Variants in GPR26 observed in about 807,000 individuals in gnomAD.
The protein encoded by GPR26 is G protein-coupled receptor 26.
GPR26 carries 15 observed loss-of-function variants against 23.1 expected under a neutral mutation model. The ratio of observed to expected loss-of-function variants is 0.65; its 90% CI spans 0.43 to 1.00. The LOEUF is 1.00. GPR26 is among the 50% of genes least tolerant of loss of function. The pLI is 0.00. For missense variants in GPR26, 359 were observed against 470.5 expected, an observed-to-expected ratio of 0.76 and a Z score of 2.19; for synonymous variants, 228 against 222.1, an observed-to-expected ratio of 1.03 and a Z score of -0.24.
At chr10:123,685,277 C>T (rs1349890194) in intron 2 of GPR26, among the ~76,000 whole-genome samples, 1 of 152,218 alleles carries the variant, frequency 6.6e-6, no homozygotes, top group East Asian at 1.9e-4. Flanking sequence ...TGGAAGGGAT[C>T]TGGTGCTCAT....
At chr10:123,681,884 G>A (rs1439907933) in intron 2 of GPR26, among the ~76,000 whole-genome samples, 1 of 152,194 alleles carries the variant, frequency 6.6e-6, no homozygotes, top group Admixed American at 6.5e-5. Flanking sequence ...TATTGCATCT[G>A]GGATAGCTTT....
chr10:123,681,376 G>A (rs966378158), intron 2 of GPR26, among the ~76,000 whole-genome samples: 1 of 152,328 alleles, frequency 6.6e-6, no homozygotes. Context: ...ACGGAATGCT[G>A]CAGTTTCCGA....
intron 1 of GPR26, among the ~76,000 whole-genome samples, chr10:123,673,828 C>T (rs559988591): frequency 4.2e-4 from 64 of 152,288 alleles, no homozygotes; most frequent in Non-Finnish European, 8.1e-4. Flanking sequence ...GAGTCATGCA[C>T]GAGGGTTCAA....
chr10:123,672,333 C>G (rs1845260957), intron 1 of GPR26, among the ~76,000 whole-genome samples: 1 of 152,182 alleles, frequency 6.6e-6, no homozygotes, highest in African/African-American at 2.4e-5. Context: ...GCTGTGGAGT[C>G]TTTTAGCTGG....
At chr10:123,675,345 A>G (rs896779544) in intron 2 of GPR26, among the ~76,000 whole-genome samples, 3 of 152,080 alleles carry the variant, frequency 2.0e-5, no homozygotes, top group African/African-American at 4.8e-5. Context: ...GGTGTCCCCA[A>G]CCTGAACACC....
In GPR26 at chr10:123,688,532, C is replaced by G. The variant is rs182981906; in HGVS notation, c.*372C>G. 1 of 276,088 alleles carries G rather than the reference C, an allele frequency of 3.6e-6. No individual in the cohort carries two copies. Among genetic ancestry groups the G allele is most frequent in the Non-Finnish European group, 7.0e-6 (1 of 142,232 alleles). 17.1% of individuals were successfully genotyped at this position (276,088 alleles called of 1,614,324 possible). A position where few individuals can be genotyped will look rare whatever the true frequency, so the allele number is the denominator to read the frequency against. Reference sequence around the variant, plus strand: ...GTCCACCTGCCTGCTGACCACTGGACGCTGCTCCATGCTGAAGAAAAGTGA... The same window carrying G: ...GTCCACCTGCCTGCTGACCACTGGAGGCTGCTCCATGCTGAAGAAAAGTGA... On this transcript the variant is annotated 3_prime_UTR_variant, in exon 3 of 3. Transcript: ENST00000284674.
At chr10:123,670,554 C>T (rs533023050) in intron 1 of GPR26, among the ~76,000 whole-genome samples, 9 of 152,172 alleles carry the variant, frequency 5.9e-5, no homozygotes, top group Non-Finnish European at 7.3e-5. Context: ...AGGCTGGGTT[C>T]GCATTTAGAA....
chr10:123,677,339 T>C (rs1845321947), intron 2 of GPR26, among the ~76,000 whole-genome samples: 1 of 152,158 alleles, frequency 6.6e-6, no homozygotes, highest in Non-Finnish European at 1.5e-5. Context: ...TCATCCTCCA[T>C]GGGGATGAGC....
At chr10:123,669,334 G>T (rs887395980) in intron 1 of GPR26, among the ~76,000 whole-genome samples, 9 of 152,240 alleles carry the variant, frequency 5.9e-5, no homozygotes, top group Non-Finnish European at 8.8e-5. Flanking sequence ...CACAGGAGGG[G>T]ATGACCAGTC....
At chr10:123,677,695 G>A (rs896950154) in intron 2 of GPR26, among the ~76,000 whole-genome samples, 4 of 152,194 alleles carry the variant, frequency 2.6e-5, no homozygotes, top group African/African-American at 9.7e-5. Context: ...GGCTCCACAG[G>A]TTCTGGGGCA....
At chr10:123,679,137 G>T (rs1051879622) in intron 2 of GPR26, among the ~76,000 whole-genome samples, 1 of 152,206 alleles carries the variant, frequency 6.6e-6, no homozygotes, top group African/African-American at 2.4e-5. Context: ...CCTCTGAAAT[G>T]TAGTTGAAGA....
chr10:123,683,673 G>A (rs11248642), intron 2 of GPR26, among the ~76,000 whole-genome samples: 47,065 of 152,146 alleles, frequency 0.31, 8,379 homozygotes, highest in Middle Eastern at 0.44. Flanking sequence ...CCTGGACTGC[G>A]GCAGCCAGCT....
rs1230446245 is a variant in GPR26 at position 123,690,825 on chromosome 10, A to G, written c.*2665A>G. 1 of 152,200 alleles carries G rather than the reference A, an allele frequency of 6.6e-6. No individual in the cohort carries two copies. The highest frequency in any genetic ancestry group is 1.5e-5 in the Non-Finnish European group (1 of 68,038). 9.4% of individuals were successfully genotyped at this position (152,200 alleles called of 1,614,324 possible). A position where few individuals can be genotyped will look rare whatever the true frequency, so the allele number is the denominator to read the frequency against. On this transcript the variant is annotated 3_prime_UTR_variant, in exon 3 of 3. Transcript: ENST00000284674. Reference sequence around the variant, plus strand: ...TTGAATTATCTACCTCATTTTGTTAATTTAATTTATCAAAGGTAACATTGT... The same window carrying G: ...TTGAATTATCTACCTCATTTTGTTAGTTTAATTTATCAAAGGTAACATTGT...
Position 123,667,083 on chromosome 10 carries a change from G to A in GPR26, c.668+8G>A, listed in dbSNP as rs1373840624. The A allele has an allele frequency of 6.4e-7, 1 of 1,570,630 alleles. No homozygotes were observed. The highest frequency in any genetic ancestry group is 1.4e-5 in the African/African-American group (1 of 73,874). On this transcript the variant is annotated splice_region_variant and intron_variant, in intron 1 of 2. Transcript: ENST00000284674. ...GGTGGACCTGCACCCCAGGTGAGCC[G>A]AGCGCAGCTAAGGCTCTGGGAACAG...
chr10:123,683,791 C>G (rs544922461), intron 2 of GPR26, among the ~76,000 whole-genome samples: 3 of 152,194 alleles, frequency 2.0e-5, no homozygotes, highest in Non-Finnish European at 2.9e-5. Flanking sequence ...TACAAGCACA[C>G]AGGGTTTGGG....
At position 123,688,355 on chromosome 10, in the gene GPR26, G is replaced by A; in HGVS notation, c.*195G>A. The A allele has an allele frequency of 3.4e-6, 2 of 592,836 alleles. No homozygotes were observed. The highest frequency in any genetic ancestry group is 4.0e-5 in the South Asian group (2 of 50,194). The allele number at this position is 592,836 out of a possible 1,614,324, so 36.7% of individuals were successfully genotyped here. Reference sequence around the variant, plus strand: ...GGCAGATATTGGACACTCCTTATTTGTCACCAAAGGATGACTGTAGGCCGT... The same window carrying A: ...GGCAGATATTGGACACTCCTTATTTATCACCAAAGGATGACTGTAGGCCGT... On this transcript the variant is annotated 3_prime_UTR_variant, in exon 3 of 3. Coordinates refer to ENST00000284674, the MANE Select transcript of GPR26 (RefSeq NM_153442.4).
rs1031173088 is a variant in GPR26 at position 123,688,656 on chromosome 10, G to A, written c.*496G>A. On this transcript the variant is annotated 3_prime_UTR_variant, in exon 3 of 3. Coordinates refer to ENST00000284674, the MANE Select transcript of GPR26 (RefSeq NM_153442.4). Reference sequence around the variant, plus strand: ...CACCTCGTCTCCACAGGGTAGTGGTGGCTGCTTCAACCCAAATATTATTCA... The same window carrying A: ...CACCTCGTCTCCACAGGGTAGTGGTAGCTGCTTCAACCCAAATATTATTCA... 2.3e-5 allele frequency: 4 copies of A among 170,558 alleles called. No individual in the cohort carries two copies. The highest frequency in any genetic ancestry group is 1.1e-4 in the Admixed American group (2 of 18,218). 10.6% of individuals were successfully genotyped at this position (170,558 alleles called of 1,614,324 possible). A position where few individuals can be genotyped will look rare whatever the true frequency, so the allele number is the denominator to read the frequency against.
chr10:123,675,110 G>T (rs144814629), intron 2 of GPR26, among the ~76,000 whole-genome samples, 179 bp downstream of exon 2: 4 of 152,024 alleles, frequency 2.6e-5, no homozygotes, highest in African/African-American at 9.7e-5. Context: ...CTCCACCCTC[G>T]AATTCTTTTG....
chr10:123,668,415 G>A (rs1845212528), intron 1 of GPR26, among the ~76,000 whole-genome samples: 3 of 152,202 alleles, frequency 2.0e-5, no homozygotes, highest in African/African-American at 7.2e-5. Flanking sequence ...GAATGTACAT[G>A]TGAGTGACTG....
Sources: gnomAD v4.1 joint callset for allele counts (sites outside exome capture counted in the v4.1 genomes callset) on GRCh38, gnomAD v4.1.1 for gene constraint, MANE v1.5 for transcripts, NCBI Gene and HGNC (gene_info 2026-07-23, HGNC 2026-07-21) for gene names.